The following ZMYND15 variants were observed in gnomAD, a reference collection of about 807,000 sequenced individuals.
The protein encoded by ZMYND15 is zinc finger MYND-type containing 15.
A neutral mutation model predicts 81.7 loss-of-function variants in ZMYND15; 54 were observed. That is an observed-to-expected ratio of 0.66 (90% confidence interval 0.53 to 0.83). ZMYND15 has a LOEUF of 0.83. ZMYND15 is among the 40% of genes least tolerant of loss of function. The probability of loss-of-function intolerance (pLI) is 0.00; values close to 1 mark genes in which losing one functional copy is unlikely to be tolerated. For missense variants in ZMYND15, 925 were observed against 973.5 expected, an observed-to-expected ratio of 0.95 and a Z score of 0.66; for synonymous variants, 399 against 387.0, an observed-to-expected ratio of 1.03 and a Z score of -0.36.
intron 1 of ZMYND15, 27 bp from the exon 2 acceptor site, chr17:4,740,492 T>C: frequency 6.6e-7 from 1 of 1,509,794 alleles, no homozygotes; most frequent in Middle Eastern, 1.8e-4. Context: ...CTCCTGTCCC[T>C]CACCATATAT....
chr17:4,744,431 C>T lies in ZMYND15; in HGVS notation c.1647C>T (p.Pro549=). The T allele has an allele frequency of 6.2e-7, 1 of 1,614,092 alleles. No individual in the cohort carries two copies. Among genetic ancestry groups the T allele is most frequent in the Middle Eastern group, 1.6e-4 (1 of 6,062 alleles). The part of the protein sequence containing the change: ...LELQFVGDGL[P]PESDEQHFTL... Reference sequence around the variant, plus strand: ...TGCAGTTTGTAGGTGATGGCCTGCCCCCCGAAAGCGACGAGCAGCATTTTA... The same window carrying T: ...TGCAGTTTGTAGGTGATGGCCTGCCTCCCGAAAGCGACGAGCAGCATTTTA... Residue 549 remains proline, a synonymous_variant, in exon 10 of 14, where the codon CCC becomes CCT. Coordinates refer to ENST00000433935, the MANE Select transcript of ZMYND15 (RefSeq NM_001136046.3). The surrounding 1 kb of genome is among the most constrained non-coding windows in gnomAD (Gnocchi z 4.1).
At position 4,744,508 on chromosome 17, in the gene ZMYND15, C is replaced by T; in HGVS notation, c.1683+41C>T. 6.2e-7 allele frequency: 1 copy of T among 1,612,248 alleles called. No individual in the cohort carries two copies. Among genetic ancestry groups the T allele is most frequent in the Admixed American group, 1.7e-5 (1 of 59,942 alleles). On this transcript the variant is annotated intron_variant, in intron 10 of 13. Coordinates refer to ENST00000433935, the MANE Select transcript of ZMYND15 (RefSeq NM_001136046.3). The surrounding 1 kb of genome is among the most constrained non-coding windows in gnomAD (Gnocchi z 4.1). Reference sequence around the variant, plus strand: ...GCCCTGCTTTTCAGCCCTGACCCCTCCAGTGACCTCCTGGTTGGGTCCTGC... The same window carrying T: ...GCCCTGCTTTTCAGCCCTGACCCCTTCAGTGACCTCCTGGTTGGGTCCTGC...
intron 5 of ZMYND15, among the ~76,000 whole-genome samples, chr17:4,742,969 G>A (rs1916491967): frequency 6.6e-6 from 1 of 152,050 alleles, no homozygotes; most frequent in Non-Finnish European, 1.5e-5. Flanking sequence ...TTCAAGGCTG[G>A]GGTTCTAGGC....
Position 4,741,071 on chromosome 17 carries a change from A to C in ZMYND15, c.523A>C (p.Lys175Gln). 6.5e-7 allele frequency: 1 copy of C among 1,546,396 alleles called. No homozygotes were observed. Among genetic ancestry groups the C allele is most frequent in the Non-Finnish European group, 8.7e-7 (1 of 1,144,028 alleles). ...GGCTGCCCGGGAGGCAGGAGGTGGCAAGGATGGCTGCCGAGAGGACAGGGT... is the reference window on the plus strand; with the variant it reads ...GGCTGCCCGGGAGGCAGGAGGTGGCCAGGATGGCTGCCGAGAGGACAGGGT... ...EEAAREAGGG[K>Q]DGCREDRVEN... is the part of the protein sequence containing the mutation. The change falls in exon 2 of 14, where the codon AAG becomes CAG. Residue 175 changes from lysine to glutamine, a missense_variant. Coordinates refer to ENST00000433935, the MANE Select transcript of ZMYND15 (RefSeq NM_001136046.3).
At position 4,745,304 on chromosome 17, in the gene ZMYND15, C is replaced by T. The variant is rs1183846731; in HGVS notation, c.1986C>T (p.Gly662=). 1 of 1,613,712 alleles carries T rather than the reference C, an allele frequency of 6.2e-7. No individual in the cohort carries two copies. The highest frequency in any genetic ancestry group is 1.1e-5 in the South Asian group (1 of 91,064). Reference sequence around the variant, plus strand: ...CCATGGCGGTGGCCACTGGAGGGGGCACCAGCCCTCCCCAGCCCAACCCCT... The same window carrying T: ...CCATGGCGGTGGCCACTGGAGGGGGTACCAGCCCTCCCCAGCCCAACCCCT... ...GQTMAVATGG[G]TSPPQPNPFR... is the part of the protein sequence containing the mutation. The change falls in exon 13 of 14, where the codon GGC becomes GGT. Residue 662 remains glycine (G), a synonymous_variant. Coordinates refer to ENST00000433935, the MANE Select transcript of ZMYND15 (RefSeq NM_001136046.3). This position sits in a 1 kb window ranked among gnomAD's most constrained non-coding sequence, Gnocchi z 5.2.
At position 4,743,406 on chromosome 17, in the gene ZMYND15, C is replaced by G. The variant is rs780726517; in HGVS notation, c.1248C>G (p.Phe416Leu). The G allele has an allele frequency of 6.2e-7, 1 of 1,614,116 alleles. No individual in the cohort carries two copies. The highest frequency in any genetic ancestry group is 1.1e-5 in the South Asian group (1 of 91,070). Reference sequence around the variant, plus strand: ...GCATGCTGATTCCAGGCCCGGGCTTCTCCAGACACCCCCGAGGCAACACGC... The same window carrying G: ...GCATGCTGATTCCAGGCCCGGGCTTGTCCAGACACCCCCGAGGCAACACGC... ...QLSMLIPGPG[F>L]SRHPRGNTPS... Residue 416 changes from phenylalanine to leucine, a missense_variant, in exon 6 of 14, where the codon TTC becomes TTG. Phe to Leu is a conservative substitution (Grantham distance 22). Coordinates refer to ENST00000433935, the MANE Select transcript of ZMYND15 (RefSeq NM_001136046.3). The surrounding 1 kb of genome is among the most constrained non-coding windows in gnomAD (Gnocchi z 4.3).
rs1373568433 is a variant in ZMYND15, at chr17:4,743,807, G to A, written c.1338G>A (p.Leu446=). Reference sequence around the variant, plus strand: ...TTCTCCAGGGAGACGGGACTGCCCTGATGCCTCCTGTGCCCCCACATCCAC... The same window carrying A: ...TTCTCCAGGGAGACGGGACTGCCCTAATGCCTCCTGTGCCCCCACATCCAC... ...YQLLQGDGTA[L]MPPVPPHPPR... Residue 446 remains leucine (L), a synonymous_variant, in exon 7 of 14, where the codon CTG becomes CTA. Transcript: ENST00000433935. This position sits in a 1 kb window ranked among gnomAD's most constrained non-coding sequence, Gnocchi z 4.3. The A allele has an allele frequency of 6.2e-7, 1 of 1,614,078 alleles. No individual in the cohort carries two copies. Among genetic ancestry groups the A allele is most frequent in the Non-Finnish European group, 8.5e-7 (1 of 1,180,000 alleles).
Position 4,744,550 on chromosome 17 carries a change from C to T in ZMYND15, c.1684-75C>T. 1 of 1,601,796 alleles carries T rather than the reference C, an allele frequency of 6.2e-7. No homozygotes were observed. Among genetic ancestry groups the T allele is most frequent in the East Asian group, 2.2e-5 (1 of 44,726 alleles). ...GGGTCCTGCCCTTCTGCCCCCCACT[C>T]CCCATCTTGCCTGGTGCATCCTCCA... is the stretch of plus-strand genomic sequence containing the variant. On this transcript the variant is annotated intron_variant, in intron 10 of 13. Transcript: ENST00000433935. This position sits in a 1 kb window ranked among gnomAD's most constrained non-coding sequence, Gnocchi z 4.1.
Position 4,740,900 on chromosome 17 carries a change from G to A in ZMYND15, c.352G>A (p.Glu118Lys), listed in dbSNP as rs1468941198. 1.9e-6 allele frequency: 3 copies of A among 1,580,964 alleles called. No homozygotes were observed. The highest frequency in any genetic ancestry group is 2.6e-6 in the Non-Finnish European group (3 of 1,160,866). The change falls in exon 2 of 14, where the codon GAA (glutamate) becomes AAA (lysine). Residue 118 changes from glutamate to lysine, a missense_variant. Coordinates refer to ENST00000433935, the MANE Select transcript of ZMYND15 (RefSeq NM_001136046.3). ...SLEDGEEGEE[E>K]EEEDEEEEKR... The stretch of plus-strand genomic sequence containing the variant: ...AGAGGATGGGGAGGAAGGGGAGGAG[G>A]AAGAGGAGGAAGATGAAGAAGAAGA...
At position 4,745,763 on chromosome 17, in the gene ZMYND15, G is replaced by GACCCCTGGGAGCC. The variant is rs1223944790; in HGVS notation, c.2058-56_2058-55insACCCCTGGGAGCC. 33 of 809,484 alleles carry GACCCCTGGGAGCC rather than the reference G, an allele frequency of 4.1e-5. No homozygotes were observed. Among genetic ancestry groups the GACCCCTGGGAGCC allele is most frequent in the Middle Eastern group, 4.0e-4 (1 of 2,492 alleles). 50.1% of individuals were successfully genotyped at this position (809,484 alleles called of 1,614,324 possible). A position where few individuals can be genotyped will look rare whatever the true frequency, so the allele number is the denominator to read the frequency against. On this transcript the variant is annotated intron_variant, in intron 13 of 13. Coordinates refer to ENST00000433935, the MANE Select transcript of ZMYND15 (RefSeq NM_001136046.3). This position sits in a 1 kb window ranked among gnomAD's most constrained non-coding sequence, Gnocchi z 5.2. ...CCTGGGAGCCCCGACCCCTGGGAGC[G>GACCCCTGGGAGCC]CCGACCCCTGGGAGTCCCGCCCCGT...
rs1021302034 is a variant in ZMYND15 at position 4,742,462 on chromosome 17, T to G, written c.1115T>G (p.Leu372Arg). Residue 372 changes from leucine to arginine, a missense_variant, in exon 5 of 14, where the codon CTG becomes CGG. Physicochemically the swap from Leu to Arg is moderately radical, Grantham distance 102. Transcript: ENST00000433935. ...GCCTTCATGGAGCGGGCAGGAGAAC[T>G]GGCAACCCTGCCTTTTACCTACACC... ...LAAFMERAGE[L>R]ATLPFTYTAE... is the part of the protein sequence containing the mutation. The G allele has an allele frequency of 6.2e-7, 1 of 1,613,990 alleles. No homozygotes were observed. The highest frequency in any genetic ancestry group is 8.5e-7 in the Non-Finnish European group (1 of 1,180,016).
At position 4,743,301 on chromosome 17, in the gene ZMYND15, A is replaced by T; in HGVS notation, c.1145-2A>T. 6.2e-7 allele frequency: 1 copy of T among 1,610,082 alleles called. No individual in the cohort carries two copies. Among genetic ancestry groups the T allele is most frequent in the Non-Finnish European group, 8.5e-7 (1 of 1,178,500 alleles). On this transcript the variant is annotated splice_acceptor_variant, in intron 5 of 13. Coordinates refer to ENST00000433935, the MANE Select transcript of ZMYND15 (RefSeq NM_001136046.3). LOFTEE classifies it high-confidence loss of function. This position sits in a 1 kb window ranked among gnomAD's most constrained non-coding sequence, Gnocchi z 4.3. ...TCAACTCCTCCCCTTCTCCTTCTCCAGAGGTGACCAGTGAAACCTTCAACA... is the reference window on the plus strand; with the variant it reads ...TCAACTCCTCCCCTTCTCCTTCTCCTGAGGTGACCAGTGAAACCTTCAACA...
rs1452937546 is a variant in ZMYND15, at chr17:4,743,530, A to G, written c.1297+75A>G. ...TGGGAAGAAGTTGTCTGGGTCCCAG[A>G]TGATCCCTCCACATACACACTGACC... On this transcript the variant is annotated intron_variant, in intron 6 of 13. Coordinates refer to ENST00000433935, the MANE Select transcript of ZMYND15 (RefSeq NM_001136046.3). The surrounding 1 kb of genome is among the most constrained non-coding windows in gnomAD (Gnocchi z 4.3). 2 of 1,581,498 alleles carry G rather than the reference A, an allele frequency of 1.3e-6. No individual in the cohort carries two copies. The highest frequency in any genetic ancestry group is 1.7e-5 in the Admixed American group (1 of 57,688).
chr17:4,740,781 G>C lies in ZMYND15; in HGVS notation c.233G>C (p.Gly78Ala), dbSNP rs1223226282. The C allele has an allele frequency of 6.3e-7, 1 of 1,595,732 alleles. No homozygotes were observed. Among genetic ancestry groups the C allele is most frequent in the East Asian group, 2.2e-5 (1 of 44,478 alleles). ...AGCCTGGGGCAAGGGGCAGAACCAG[G>C]TCCTGGACCAGGCCTGGGGACTGCC... ...GISLGQGAEPGPGPGLGTAWL... is the reference protein window; with the variant it reads ...GISLGQGAEPAPGPGLGTAWL... Residue 78 changes from glycine (G) to alanine (A), a missense_variant, in exon 2 of 14, where the codon GGT (glycine) becomes GCT (alanine). By Grantham distance (60) the Gly-to-Ala change is moderately conservative. Coordinates refer to ENST00000433935, the MANE Select transcript of ZMYND15 (RefSeq NM_001136046.3).
chr17:4,741,053 C>T lies in ZMYND15; in HGVS notation c.505C>T (p.Arg169Trp), dbSNP rs375886894. 42 of 1,548,812 alleles carry T rather than the reference C, an allele frequency of 2.7e-5. No individual in the cohort carries two copies. Among genetic ancestry groups the T allele is most frequent in the Admixed American group, 4.0e-5 (2 of 50,420 alleles). ...NPPGESEEAA[R>W]EAGGGKDGCR... ...TCCAGGAGAGTCAGAGGAGGCTGCCCGGGAGGCAGGAGGTGGCAAGGATGG... is the reference window on the plus strand; with the variant it reads ...TCCAGGAGAGTCAGAGGAGGCTGCCTGGGAGGCAGGAGGTGGCAAGGATGG... Residue 169 changes from arginine to tryptophan, a missense_variant, in exon 2 of 14, where the codon CGG becomes TGG. By Grantham distance (101) the Arg-to-Trp change is moderately radical. Coordinates refer to ENST00000433935, the MANE Select transcript of ZMYND15 (RefSeq NM_001136046.3).
rs1916568632 is a variant in ZMYND15, at chr17:4,744,323, T to C, written c.1584+45T>C. The C allele has an allele frequency of 2.5e-6, 4 of 1,613,846 alleles. No individual in the cohort carries two copies. In the East Asian group the frequency reaches 8.9e-5, roughly 36 times the overall value. On this transcript the variant is annotated intron_variant, in intron 9 of 13. Transcript: ENST00000433935. This position sits in a 1 kb window ranked among gnomAD's most constrained non-coding sequence, Gnocchi z 4.1. ...AAGGTTGGGCATTTTGGTATGGGGG[T>C]GGGCACAGGGTAGACCCCAGATCTT...
rs771369332 is a variant in ZMYND15, at chr17:4,740,643, T to C, written c.95T>C (p.Val32Ala). ...FRKFVAERGA[V>A]GTSLEGRCRQ... ...AAGTTTGTGGCAGAGCGTGGAGCTGTAGGGACTAGCCTTGAGGGCCGCTGC... is the reference window on the plus strand; with the variant it reads ...AAGTTTGTGGCAGAGCGTGGAGCTGCAGGGACTAGCCTTGAGGGCCGCTGC... The change falls in exon 2 of 14, where the codon GTA (valine) becomes GCA (alanine). Residue 32 changes from valine to alanine, a missense_variant. Transcript: ENST00000433935. The C allele has an allele frequency of 6.2e-6, 10 of 1,614,162 alleles. No homozygotes were observed. Among genetic ancestry groups the C allele is most frequent in the Non-Finnish European group, 8.5e-7 (1 of 1,179,988 alleles).
chr17:4,740,750 G>A lies in ZMYND15; in HGVS notation c.202G>A (p.Gly68Ser). ...VLHVLPNHSV[G>S]ISLGQGAEPG... ...CCATGTCCTGCCCAACCATAGTGTGGGCATCAGCCTGGGGCAAGGGGCAGA... is the reference window on the plus strand; with the variant it reads ...CCATGTCCTGCCCAACCATAGTGTGAGCATCAGCCTGGGGCAAGGGGCAGA... Residue 68 changes from glycine to serine, a missense_variant, in exon 2 of 14, where the codon GGC becomes AGC. Physicochemically the swap from Gly to Ser is moderately conservative, Grantham distance 56. Transcript: ENST00000433935. The A allele has an allele frequency of 1.2e-6, 2 of 1,603,908 alleles. No homozygotes were observed. The highest frequency in any genetic ancestry group is 1.7e-6 in the Non-Finnish European group (2 of 1,172,660).
In ZMYND15 at chr17:4,745,250, C is replaced by T; in HGVS notation, c.1932C>T (p.Ser644=). ...TGCCAGCCTTCTTCACCGAGAGCAG[C>T]GAGTACAGCTGTGTGATGGACGGCC... The part of the protein sequence containing the change: ...LRVPAFFTES[S]EYSCVMDGQT... Residue 644 remains serine, a synonymous_variant, in exon 13 of 14, where the codon AGC becomes AGT. Coordinates refer to ENST00000433935, the MANE Select transcript of ZMYND15 (RefSeq NM_001136046.3). This position sits in a 1 kb window ranked among gnomAD's most constrained non-coding sequence, Gnocchi z 5.2. 1 of 1,614,036 alleles carries T rather than the reference C, an allele frequency of 6.2e-7. No individual in the cohort carries two copies. The highest frequency in any genetic ancestry group is 8.5e-7 in the Non-Finnish European group (1 of 1,179,988).
Sources: gnomAD v4.1 joint callset for allele counts (sites outside exome capture counted in the v4.1 genomes callset) on GRCh38, gnomAD v4.1.1 for gene constraint, Gnocchi (gnomAD v3.1) non-coding constraint, MANE v1.5 for transcripts, NCBI Gene and HGNC (gene_info 2026-07-23, HGNC 2026-07-21) for gene names.